The following CLRN1 variants were observed in gnomAD, a reference collection of about 807,000 sequenced individuals.
CLRN1 encodes clarin-1.
A neutral mutation model predicts 18.7 loss-of-function variants in CLRN1; 15 were observed. The observed-to-expected ratio is 0.80, with a 90% CI of 0.54 to 1.23. The LOEUF (loss-of-function observed/expected upper bound fraction) is 1.23. Ranked by LOEUF, CLRN1 falls within the 50% of genes most tolerant of loss-of-function variation. The pLI, the probability that CLRN1 is intolerant of heterozygous loss-of-function variation, is 0.00. For missense variants in CLRN1, 311 were observed against 277.5 expected (o/e 1.12, Z -0.86); for synonymous variants, 104 against 102.9 (o/e 1.01, Z -0.07).
At chr3:150,966,017 G>A (rs928961937) in intron 1 of CLRN1, among the ~76,000 whole-genome samples, 10 of 152,136 alleles carry the variant, frequency 6.6e-5, no homozygotes, top group Non-Finnish European at 1.3e-4. Flanking sequence ...TCCTCTTCTG[G>A]GTAAAGAATG....
intron 2 of CLRN1, among the ~76,000 whole-genome samples, chr3:150,940,155 T>G (rs1246375292): frequency 6.6e-6 from 1 of 152,232 alleles, no homozygotes; most frequent in Non-Finnish European, 1.5e-5. Flanking sequence ...GATACAAAGA[T>G]GTAAAAGGCT....
chr3:150,964,229 G>A lies in CLRN1; in HGVS notation c.253+8227C>T, dbSNP rs935292862. On this transcript the variant is annotated intron_variant, in intron 1 of 2. Coordinates refer to ENST00000327047, the MANE Select transcript of CLRN1 (RefSeq NM_174878.3). ...AAACAAATTTACAAGAAAAAACCCC[G>A]TTAAAAAGTGGGCAAAGGATATGAA... Among the ~76,000 whole-genome samples the A allele has an allele frequency of 2.6e-5, 4 of 151,158 alleles. No homozygotes were observed. The South Asian group carries it at 8.4e-4, about 32-fold the overall frequency.
At chr3:150,952,523 C>T (rs936157509) in intron 1 of CLRN1, among the ~76,000 whole-genome samples, 1 of 152,142 alleles carries the variant, frequency 6.6e-6, no homozygotes, top group Non-Finnish European at 1.5e-5. Context: ...ACGGGTTTAT[C>T]GGGAAGTAAC....
At chr3:150,934,334 A>G (rs1028463658) in intron 2 of CLRN1, among the ~76,000 whole-genome samples, 1 of 152,168 alleles carries the variant, frequency 6.6e-6, no homozygotes, top group Non-Finnish European at 1.5e-5. Flanking sequence ...AAAGGCAGCA[A>G]TTTTGTTTGC....
At chr3:150,949,357 G>A (rs1559986467) in intron 1 of CLRN1, among the ~76,000 whole-genome samples, 1 of 152,140 alleles carries the variant, frequency 6.6e-6, no homozygotes. Flanking sequence ...GTCCTGGCCA[G>A]GGAAATCAGG....
intron 1 of CLRN1, among the ~76,000 whole-genome samples, chr3:150,953,457 T>C (rs901451482): frequency 2.0e-5 from 3 of 152,094 alleles, no homozygotes; most frequent in Admixed American, 1.3e-4. Context: ...ACCAAACTTC[T>C]TCAAACAGCA....
chr3:150,933,573 CTG>C (rs889503082), intron 2 of CLRN1, among the ~76,000 whole-genome samples: 1 of 152,092 alleles, frequency 6.6e-6, no homozygotes, highest in African/African-American at 2.4e-5. Context: ...GGTGAGCTGT[CTG>C]TGTGTGTTTC....
intron 2 of CLRN1, among the ~76,000 whole-genome samples, chr3:150,936,400 A>G (rs73153897): frequency 0.34 from 51,395 of 151,858 alleles, 8,895 homozygotes; most frequent in South Asian, 0.4. Flanking sequence ...AGCAACTCAG[A>G]CTCGATGTGC....
Position 150,927,878 on chromosome 3 carries a change from A to G in CLRN1, c.*58T>C, listed in dbSNP as rs962741476. 3 of 1,601,770 alleles carry G rather than the reference A, an allele frequency of 1.9e-6. No individual in the cohort carries two copies. Among genetic ancestry groups the G allele is most frequent in the Non-Finnish European group, 2.6e-6 (3 of 1,169,922 alleles). On this transcript the variant is annotated 3_prime_UTR_variant, in exon 3 of 3. Transcript: ENST00000327047. The stretch of plus-strand genomic sequence containing the variant: ...TAAAAGGATATGCAAAATTAACCAC[A>G]TCTAAAAGTGACCAAAGCAAGTCTA...
chr3:150,966,186 T>G (rs1033258205), intron 1 of CLRN1, among the ~76,000 whole-genome samples: 18 of 152,218 alleles, frequency 1.2e-4, no homozygotes, highest in African/African-American at 4.1e-4. Flanking sequence ...TAGTGGCACA[T>G]GCCTGTGGTC....
chr3:150,954,055 A>G (rs1244928236), intron 1 of CLRN1, among the ~76,000 whole-genome samples: 3 of 152,208 alleles, frequency 2.0e-5, no homozygotes, highest in African/African-American at 7.2e-5. Context: ...GTGAGTTTTG[A>G]CAAATGCAGA....
At chr3:150,934,508 G>A (rs2107937819) in intron 2 of CLRN1, among the ~76,000 whole-genome samples, 1 of 152,228 alleles carries the variant, frequency 6.6e-6, no homozygotes, top group East Asian at 1.9e-4. Flanking sequence ...ACATTTTGGT[G>A]GTTTTTATCA....
chr3:150,960,402 C>G (rs955599854), intron 1 of CLRN1, among the ~76,000 whole-genome samples: 2 of 152,154 alleles, frequency 1.3e-5, no homozygotes, highest in African/African-American at 4.8e-5. Context: ...GTACATGTCT[C>G]TGCATTGGGA....
At chr3:150,955,028 G>T (rs1714669494) in intron 1 of CLRN1, among the ~76,000 whole-genome samples, 1 of 152,222 alleles carries the variant, frequency 6.6e-6, no homozygotes, top group Non-Finnish European at 1.5e-5. Flanking sequence ...AGATAAACAA[G>T]TTGTGGCCCA....
chr3:150,954,420 A>G (rs1714638208), intron 1 of CLRN1, among the ~76,000 whole-genome samples: 1 of 152,198 alleles, frequency 6.6e-6, no homozygotes, highest in African/African-American at 2.4e-5. Flanking sequence ...TGCCTTTCAT[A>G]GGTCATTTTC....
intron 1 of CLRN1, among the ~76,000 whole-genome samples, chr3:150,968,928 G>A (rs71306534): frequency 3.6e-4 from 54 of 151,818 alleles, no homozygotes; most frequent in African/African-American, 1.1e-3. Flanking sequence ...GCTTTGGAGC[G>A]CCCCACCCCC....
At chr3:150,941,382 C>G in intron 2 of CLRN1, 200 bp downstream of exon 2, 1 of 566,056 alleles carries the variant, frequency 1.8e-6, no homozygotes, top group Non-Finnish European at 3.1e-6. Flanking sequence ...CACAGTTATT[C>G]ATATAGATGT....
intron 2 of CLRN1, among the ~76,000 whole-genome samples, chr3:150,939,441 C>A (rs892819897): frequency 6.6e-6 from 1 of 152,168 alleles, no homozygotes; most frequent in Admixed American, 6.5e-5. Flanking sequence ...TCTGACATTA[C>A]CATCTTGGAG....
chr3:150,935,214 T>C (rs999676956), intron 2 of CLRN1, among the ~76,000 whole-genome samples: 1 of 151,862 alleles, frequency 6.6e-6, no homozygotes, highest in Admixed American at 6.6e-5. Context: ...TACATATGTA[T>C]ACATGTGCCA....
Sources: gnomAD v4.1 joint callset for allele counts (sites outside exome capture counted in the v4.1 genomes callset) on GRCh38, gnomAD v4.1.1 for gene constraint, MANE v1.5 for transcripts, NCBI Gene and HGNC (gene_info 2026-07-23, HGNC 2026-07-21) for gene names.